Variants in TNC observed in about 807,000 individuals in gnomAD.
TNC encodes tenascin.
A neutral mutation model predicts 202.4 loss-of-function variants in TNC; 109 were observed. The observed-to-expected ratio is 0.54, with a 90% CI of 0.46 to 0.63. The LOEUF (loss-of-function observed/expected upper bound fraction) is 0.63, where lower values mean the gene tolerates loss of function less well. Among genes scored for constraint, TNC ranks in the 30% least tolerant of loss-of-function variants. The probability of loss-of-function intolerance (pLI) is 0.00; values close to 1 mark genes in which losing one functional copy is unlikely to be tolerated. For synonymous variants in TNC, 1,007 were observed against 1,089.7 expected (o/e 0.92, Z 1.50); for missense variants, 2,756 against 2,833.3 (o/e 0.97, Z 0.62).
At chr9:115,037,967 C>T (rs988310725) in intron 20 of TNC, among the ~76,000 whole-genome samples, 1 of 152,226 alleles carries the variant, frequency 6.6e-6, no homozygotes, top group African/African-American at 2.4e-5. Flanking sequence ...AAGATGACAA[C>T]TGTTTCCTAA....
Position 115,020,607 on chromosome 9 carries a change from A to G in TNC, c.*550T>C. On this transcript the variant is annotated 3_prime_UTR_variant, in exon 28 of 28. Coordinates refer to ENST00000350763, the MANE Select transcript of TNC (RefSeq NM_002160.4). ...GTCCAGAAATGTTTTGGAAAGAAAG[A>G]TCTCTTGAAAAATCCTTAGTTTTCA... 2.8e-6 allele frequency: 1 copy of G among 352,662 alleles called. No homozygotes were observed. Among genetic ancestry groups the G allele is most frequent in the South Asian group, 2.4e-5 (1 of 41,930 alleles). 21.8% of individuals were successfully genotyped at this position (352,662 alleles called of 1,614,324 possible). A position where few individuals can be genotyped will look rare whatever the true frequency, so the allele number is the denominator to read the frequency against.
chr9:115,095,108 G>A (rs906896736), intron 1 of TNC, among the ~76,000 whole-genome samples: 1 of 151,992 alleles, frequency 6.6e-6, no homozygotes, highest in African/African-American at 2.4e-5. Flanking sequence ...TGTTCCTTGT[G>A]CAAGGTTATT....
chr9:115,058,890 CAG>C (rs949675743), intron 14 of TNC, among the ~76,000 whole-genome samples: 58 of 152,184 alleles, frequency 3.8e-4, no homozygotes, highest in African/African-American at 1.3e-3. Flanking sequence ...AGTCTTGTAA[CAG>C]GGGTAGAGTG....
chr9:115,064,045 C>G lies in TNC; in HGVS notation c.3511G>C (p.Val1171Leu), dbSNP rs1220142688. 1 of 1,609,694 alleles carries G rather than the reference C, an allele frequency of 6.2e-7. No individual in the cohort carries two copies. The highest frequency in any genetic ancestry group is 8.5e-7 in the Non-Finnish European group (1 of 1,177,200). ...TCCCAGCCCACCTCGGCCACCACGACCTCTCCCAAATTGGGAGTTTCCCCT... is the reference window on the plus strand; with the variant it reads ...TCCCAGCCCACCTCGGCCACCACGAGCTCTCCCAAATTGGGAGTTTCCCCT... ...STGETPNLGE[V>L]VVAEVGWDAL... Residue 1171 changes from valine to leucine, a missense_variant, in exon 12 of 28, where the codon GTC becomes CTC. By Grantham distance (32) the Val-to-Leu change is conservative. This residue lies in a region of TNC where 2,559 missense variants were observed against 2,546.0 expected (regional missense o/e 1.01). Coordinates refer to ENST00000350763, the MANE Select transcript of TNC (RefSeq NM_002160.4).
At chr9:115,028,827 CT>C (rs912759233) in intron 25 of TNC, among the ~76,000 whole-genome samples, 217 of 142,422 alleles carry the variant, frequency 1.5e-3, no homozygotes, top group African/African-American at 5.5e-3. Context: ...CTGCTTTTTT[CT>C]TTTTTTTATC....
At position 115,086,875 on chromosome 9, in the gene TNC, T is replaced by G. The variant is rs1834793698; in HGVS notation, c.856A>C (p.Asn286His). The G allele has an allele frequency of 6.2e-7, 1 of 1,614,024 alleles. No individual in the cohort carries two copies. The highest frequency in any genetic ancestry group is 1.7e-5 in the Admixed American group (1 of 60,004). ...GDDCNKPLCL[N>H]NCYNRGRCVE... ...CATCGTCCACGGTTGTAGCAATTGT[T>G]GAGACACAGAGGCTTGTTGCAGTCA... The change falls in exon 3 of 28, where the codon AAC (asparagine) becomes CAC (histidine). Residue 286 changes from asparagine (N) to histidine (H), a missense_variant. Around this residue, in one of 2 missense-constraint regions of TNC, gnomAD observed 2,559 missense variants for 2,546.0 expected, o/e 1.01. Transcript: ENST00000350763.
Position 115,046,506 on chromosome 9 carries a change from T to C in TNC, c.5029A>G (p.Ile1677Val). ...TLLAPERTRD[I>V]TGLREATEYE... ...TCAGTAGCCTCTCTGAGACCTGTTA[T>C]GTCCCTGGTACGTTCGGGGGCAAGT... Residue 1677 changes from isoleucine to valine, a missense_variant, in exon 17 of 28, where the codon ATA (isoleucine) becomes GTA (valine). Ile to Val is a conservative substitution (Grantham distance 29). Around this residue, in one of 2 missense-constraint regions of TNC, gnomAD observed 2,559 missense variants for 2,546.0 expected, o/e 1.01. Transcript: ENST00000350763. 1 of 1,613,862 alleles carries C rather than the reference T, an allele frequency of 6.2e-7. No homozygotes were observed. The highest frequency in any genetic ancestry group is 8.5e-7 in the Non-Finnish European group (1 of 1,179,948).
At chr9:115,029,017 C>T (rs1250279030) in intron 25 of TNC, among the ~76,000 whole-genome samples, 3 of 105,428 alleles carry the variant, frequency 2.8e-5, no homozygotes, top group Non-Finnish European at 3.7e-5. Context: ...AACACTAAAA[C>T]TCTTAATATT....
In TNC at chr9:115,048,539, G is replaced by A; in HGVS notation, c.4580-7C>T. On this transcript the variant is annotated splice_region_variant and splice_polypyrimidine_tract_variant and intron_variant, in intron 15 of 27. Transcript: ENST00000350763. ...TCCAGAAGGGGCAGGGCCTCTGAAA[G>A]AAGGGAGGAGTGAAAATAACTCAGG... The A allele has an allele frequency of 6.2e-7, 1 of 1,606,432 alleles. No individual in the cohort carries two copies. The highest frequency in any genetic ancestry group is 1.3e-5 in the African/African-American group (1 of 74,786).
intron 5 of TNC, 131 bp downstream of exon 5, chr9:115,082,561 A>T: frequency 1.6e-6 from 1 of 630,874 alleles, no homozygotes; most frequent in Non-Finnish European, 2.8e-6. Flanking sequence ...TGCAAACACA[A>T]ATGATGCTAA....
rs148746893 is a variant in TNC at position 115,029,145 on chromosome 9, G to A, written c.6169+215C>T. On this transcript the variant is annotated intron_variant, in intron 25 of 27. Coordinates refer to ENST00000350763, the MANE Select transcript of TNC (RefSeq NM_002160.4). ...GGCTAAGTAAACCTCTAAATTGATT[G>A]AGATCTGTCTCAGATACTTTTTGGT... 2.0e-5 allele frequency among the ~76,000 whole-genome samples: 3 copies of A among 150,580 alleles called. No individual in the cohort carries two copies. In the East Asian group the frequency reaches 5.9e-4, roughly 30 times the overall value.
intron 19 of TNC, among the ~76,000 whole-genome samples, chr9:115,039,520 A>G (rs529656529): frequency 1.3e-5 from 2 of 152,288 alleles, no homozygotes; most frequent in African/African-American, 4.8e-5. Flanking sequence ...CTACTACCCA[A>G]CATCACTTTC....
Position 115,057,104 on chromosome 9 carries a change from A to C in TNC, c.4579+49T>G, listed in dbSNP as rs762614849. On this transcript the variant is annotated intron_variant, in intron 15 of 27. Coordinates refer to ENST00000350763, the MANE Select transcript of TNC (RefSeq NM_002160.4). The stretch of plus-strand genomic sequence containing the variant: ...GGAGAAGGAGAGGCTTCACCCTGCA[A>C]AGAAGACTGTGGAGAGAGTGCGTTA... 4 of 1,560,654 alleles carry C rather than the reference A, an allele frequency of 2.6e-6. No homozygotes were observed. The South Asian group carries it at 5.0e-5, about 19-fold the overall frequency.
intron 13 of TNC, among the ~76,000 whole-genome samples, chr9:115,060,453 T>C (rs562592834): frequency 7.4e-4 from 112 of 151,616 alleles, no homozygotes; most frequent in African/African-American, 2.7e-3. Context: ...CCACCCTCTC[T>C]TTACCTTTAA....
chr9:115,044,621 A>C (rs1831040243), intron 17 of TNC, among the ~76,000 whole-genome samples: 1 of 152,164 alleles, frequency 6.6e-6, no homozygotes, highest in Non-Finnish European at 1.5e-5. Context: ...TCAGCAAAAC[A>C]AATCAATGAT....
intron 1 of TNC, among the ~76,000 whole-genome samples, chr9:115,108,073 T>A (rs1836750109): frequency 6.6e-6 from 1 of 152,234 alleles, no homozygotes; most frequent in Non-Finnish European, 1.5e-5. Flanking sequence ...TTGATTGTCT[T>A]TGCCAAAAAG....
At chr9:115,066,534 C>T (rs2132730455) in intron 10 of TNC, among the ~76,000 whole-genome samples, 1 of 152,282 alleles carries the variant, frequency 6.6e-6, no homozygotes, top group East Asian at 1.9e-4. Flanking sequence ...TTAACTCAGA[C>T]ATTTCTAAGT....
At chr9:115,100,847 A>G (rs1836175743) in intron 1 of TNC, among the ~76,000 whole-genome samples, 1 of 152,222 alleles carries the variant, frequency 6.6e-6, no homozygotes, top group Non-Finnish European at 1.5e-5. Context: ...TATACCTTAA[A>G]TGTATAAAAT....
Position 115,084,488 on chromosome 9 carries a change from A to G in TNC, c.1868-16T>C, listed in dbSNP as rs1018748059. 1 of 1,612,532 alleles carries G rather than the reference A, an allele frequency of 6.2e-7. No homozygotes were observed. The highest frequency in any genetic ancestry group is 8.5e-7 in the Non-Finnish European group (1 of 1,179,120). ...GGAGGAGACACTGGCAGGAATAAGA[A>G]AGGACATCTGGTGTCAACAGTGTGT... is the stretch of plus-strand genomic sequence containing the variant. On this transcript the variant is annotated splice_polypyrimidine_tract_variant and intron_variant, in intron 3 of 27. Transcript: ENST00000350763.
Sources: gnomAD v4.1 joint callset for allele counts (sites outside exome capture counted in the v4.1 genomes callset) on GRCh38, gnomAD v4.1.1 for gene constraint, gnomAD v4.1.1 regional missense constraint, MANE v1.5 for transcripts, NCBI Gene and HGNC (gene_info 2026-07-23, HGNC 2026-07-21) for gene names.